RAB11FIP3: variants seen among roughly 807,000 people sequenced by gnomAD.
RAB11FIP3 encodes RAB11 family interacting protein 3.
A neutral mutation model predicts 77.8 loss-of-function variants in RAB11FIP3; 17 were observed. That is an observed-to-expected ratio of 0.22 (90% CI 0.15 to 0.33). RAB11FIP3 has a LOEUF of 0.33. RAB11FIP3 is among the 10% of genes least tolerant of loss of function. The pLI, the probability that RAB11FIP3 is intolerant of heterozygous loss-of-function variation, is 1.00. For synonymous variants in RAB11FIP3, 437 were observed against 448.2 expected (o/e 0.98, Z 0.31); for missense variants, 1,005 against 1,011.2 (o/e 0.99, Z 0.08).
intron 9 of RAB11FIP3, among the ~76,000 whole-genome samples, chr16:512,162 T>C (rs2032208157): frequency 6.6e-6 from 1 of 151,786 alleles, no homozygotes. Flanking sequence ...ACCCTGACGC[T>C]GTGCGGGTGC....
intron 9 of RAB11FIP3, 95 bp downstream of exon 9, chr16:510,895 G>A (rs887582329): frequency 2.0e-6 from 3 of 1,473,598 alleles, no homozygotes; most frequent in Non-Finnish European, 2.7e-6. Flanking sequence ...CTGCAGGCCA[G>A]GTAGGCGAGG....
At chr16:473,742 A>G (rs1383030981) in intron 3 of RAB11FIP3, among the ~76,000 whole-genome samples, 5 of 151,774 alleles carry the variant, frequency 3.3e-5, no homozygotes, top group African/African-American at 1.2e-4. Flanking sequence ...ACCCAGCCTG[A>G]TATGTTAGTA....
intron 1 of RAB11FIP3, among the ~76,000 whole-genome samples, chr16:455,459 G>C (rs2055487079): frequency 6.6e-6 from 1 of 151,042 alleles, no homozygotes; most frequent in Non-Finnish European, 1.5e-5. Context: ...GGGTAACAGA[G>C]GCGACTCTGT....
At chr16:449,056 G>A (rs186264930) in intron 1 of RAB11FIP3, among the ~76,000 whole-genome samples, 6 of 151,234 alleles carry the variant, frequency 4.0e-5, no homozygotes, top group East Asian at 3.9e-4. Context: ...TGCTCTGTCC[G>A]CTGAGACCAC....
chr16:488,491 C>T (rs1216105287), intron 4 of RAB11FIP3, among the ~76,000 whole-genome samples: 3 of 152,156 alleles, frequency 2.0e-5, no homozygotes, highest in African/African-American at 7.2e-5. Flanking sequence ...TCACTGCAGC[C>T]TTGGCCTCCC....
intron 6 of RAB11FIP3, among the ~76,000 whole-genome samples, chr16:502,561 C>G (rs929538967): frequency 1.3e-5 from 2 of 152,190 alleles, no homozygotes; most frequent in South Asian, 2.1e-4. Context: ...CTGTGAAAGT[C>G]TGAGATCAAG....
chr16:443,086 A>G (rs77252596), intron 1 of RAB11FIP3, among the ~76,000 whole-genome samples: 3,934 of 152,220 alleles, frequency 0.026, 184 homozygotes, highest in African/African-American at 0.088. Flanking sequence ...TTGGTGATTT[A>G]ATTTTTAAGA....
intron 10 of RAB11FIP3, 32 bp from the exon 11 acceptor site, chr16:519,722 C>G (rs753146707): frequency 1.9e-6 from 3 of 1,606,670 alleles, no homozygotes; most frequent in Admixed American, 3.3e-5. Flanking sequence ...AGGTGCGTGA[C>G]CCGCATCCAG....
Position 507,764 on chromosome 16 carries a change from G to T in RAB11FIP3, c.1499+2137G>T, listed in dbSNP as rs2031946113. Among the ~76,000 whole-genome samples the T allele has an allele frequency of 6.6e-6, 1 of 152,166 alleles. No individual in the cohort carries two copies. Among genetic ancestry groups the T allele is most frequent in the Admixed American group, 6.6e-5 (1 of 15,264 alleles). ...ACGTTTCCCGTTTTCAGTATCATCT[G>T]CCCGTTCTGAGCCATTTGCTCTCTA... On this transcript the variant is annotated intron_variant, in intron 8 of 13. Coordinates refer to ENST00000262305, the MANE Select transcript of RAB11FIP3 (RefSeq NM_014700.4). The surrounding 1 kb of genome is among the most constrained non-coding windows in gnomAD (Gnocchi z 4.6).
chr16:445,278 C>CAA (rs36092986), intron 1 of RAB11FIP3, among the ~76,000 whole-genome samples: 144 of 143,960 alleles, frequency 1.0e-3, no homozygotes, highest in Middle Eastern at 3.5e-3. Flanking sequence ...ACTAAAAATA[C>CAA]AAAAAAAAAA....
intron 1 of RAB11FIP3, among the ~76,000 whole-genome samples, chr16:446,821 C>T (rs912569577): frequency 6.6e-6 from 1 of 152,096 alleles, no homozygotes; most frequent in Admixed American, 6.5e-5. Flanking sequence ...CTGCCTCAGC[C>T]TCCCGAGTAG....
At chr16:436,233 C>T (rs1471718136) in intron 1 of RAB11FIP3, among the ~76,000 whole-genome samples, 1 of 152,082 alleles carries the variant, frequency 6.6e-6, no homozygotes, top group African/African-American at 2.4e-5. Flanking sequence ...TGCTTGAATC[C>T]GAGAGGCGGA....
chr16:475,941 C>T (rs970540587), intron 3 of RAB11FIP3, among the ~76,000 whole-genome samples: 2 of 152,188 alleles, frequency 1.3e-5, no homozygotes, highest in African/African-American at 2.4e-5. Flanking sequence ...ACTGCAACCT[C>T]CACCTCCCAG....
chr16:482,806 C>T (rs2141731998), intron 4 of RAB11FIP3, 70 bp downstream of exon 4: 1 of 1,472,150 alleles, frequency 6.8e-7, no homozygotes, highest in Non-Finnish European at 9.2e-7. Flanking sequence ...GTCTGATGGG[C>T]AGACTGGGGT....
intron 9 of RAB11FIP3, among the ~76,000 whole-genome samples, chr16:516,429 C>T (rs2141900559): frequency 6.6e-6 from 1 of 152,328 alleles, no homozygotes; most frequent in South Asian, 2.1e-4. Context: ...TGAGCACAGA[C>T]ACTGAGGTTA....
intron 6 of RAB11FIP3, among the ~76,000 whole-genome samples, chr16:501,766 G>A (rs2031540423): frequency 6.7e-6 from 1 of 149,728 alleles, no homozygotes; most frequent in East Asian, 2.0e-4. Context: ...AAGGAAGCTG[G>A]GAGAGGGTCC....
At chr16:465,107 C>T (rs977697965) in intron 2 of RAB11FIP3, among the ~76,000 whole-genome samples, 1 of 152,112 alleles carries the variant, frequency 6.6e-6, no homozygotes, top group Non-Finnish European at 1.5e-5. Context: ...AGCTTGGTCT[C>T]AGTCGCAGGG....
chr16:489,019 A>T lies in RAB11FIP3; in HGVS notation c.1265+19A>T, dbSNP rs1477018733. The T allele has an allele frequency of 6.2e-7, 1 of 1,608,784 alleles. No individual in the cohort carries two copies. The highest frequency in any genetic ancestry group is 1.1e-5 in the South Asian group (1 of 90,754). On this transcript the variant is annotated intron_variant, in intron 5 of 13. Coordinates refer to ENST00000262305, the MANE Select transcript of RAB11FIP3 (RefSeq NM_014700.4). ...CGCCCAGGTAATGACGCCTTGTTCC[A>T]GCACACCCTCCTCCCTCTTCTTCCC...
intron 5 of RAB11FIP3, among the ~76,000 whole-genome samples, chr16:493,708 T>C (rs966584608): frequency 6.6e-6 from 1 of 151,040 alleles, no homozygotes; most frequent in Admixed American, 6.6e-5. Context: ...CCGGGTTCAC[T>C]CCATTCTCCT....
Sources: allele counts gnomAD v4.1 joint callset (sites outside exome capture counted in the v4.1 genomes callset), GRCh38; gene constraint gnomAD v4.1.1; non-coding constraint Gnocchi (gnomAD v3.1); transcripts MANE v1.5; gene names NCBI Gene and HGNC (gene_info 2026-07-23, HGNC 2026-07-21).